STX17: variants seen among roughly 807,000 people sequenced by gnomAD.
STX17 encodes the protein syntaxin-17.
A neutral mutation model predicts 35.9 loss-of-function variants in STX17; 29 were observed. The observed-to-expected ratio is 0.81, with a 90% CI of 0.60 to 1.10. The LOEUF is 1.10. STX17 is among the 50% of genes least tolerant of loss of function. The pLI is 0.00. For missense variants in STX17, 312 were observed against 352.3 expected, an observed-to-expected ratio of 0.89 and a Z score of 0.92; for synonymous variants, 92 against 118.3, an observed-to-expected ratio of 0.78 and a Z score of 1.44.
chr9:99,920,530 A>G (rs1828866216), intron 2 of STX17, among the ~76,000 whole-genome samples: 1 of 152,198 alleles, frequency 6.6e-6, no homozygotes, highest in Non-Finnish European at 1.5e-5. Context: ...TGAGATAATA[A>G]ATACTTATTA....
intron 3 of STX17, among the ~76,000 whole-genome samples, chr9:99,943,541 TCAAATGATC>T (rs1039029099): frequency 6.6e-6 from 1 of 152,196 alleles, no homozygotes; most frequent in Non-Finnish European, 1.5e-5. Flanking sequence ...ACTCCTGACC[TCAAATGATC>T]TGCCCACCTT....
intron 6 of STX17, among the ~76,000 whole-genome samples, chr9:99,960,407 A>G (rs1481610851): frequency 6.6e-6 from 1 of 151,990 alleles, no homozygotes; most frequent in South Asian, 2.1e-4. Context: ...TATAGAAATA[A>G]ATGAAGCCCA....
intron 4 of STX17, among the ~76,000 whole-genome samples, chr9:99,952,519 C>G (rs967560423): frequency 6.6e-6 from 1 of 152,168 alleles, no homozygotes; most frequent in Non-Finnish European, 1.5e-5. Context: ...ACCCAGCCAT[C>G]CCATTACTGG....
At chr9:99,913,634 G>A (rs539760312) in intron 1 of STX17, among the ~76,000 whole-genome samples, 2 of 151,874 alleles carry the variant, frequency 1.3e-5, no homozygotes, top group East Asian at 1.9e-4. Context: ...CGTCCATTAG[G>A]TATGAATTTT....
At chr9:99,964,645 A>G (rs1829882370) in intron 6 of STX17, among the ~76,000 whole-genome samples, 1 of 152,114 alleles carries the variant, frequency 6.6e-6, no homozygotes, top group Non-Finnish European at 1.5e-5. Flanking sequence ...GGGGAGATTG[A>G]TAGATAGAGG....
At chr9:99,920,104 A>G (rs1476129579) in intron 2 of STX17, among the ~76,000 whole-genome samples, 2 of 152,172 alleles carry the variant, frequency 1.3e-5, no homozygotes, top group Non-Finnish European at 2.9e-5. Flanking sequence ...GTTTCAAGAT[A>G]GGCAAGCCTC....
chr9:99,948,754 G>A (rs1205141139), intron 3 of STX17, among the ~76,000 whole-genome samples: 1 of 151,976 alleles, frequency 6.6e-6, no homozygotes, highest in Non-Finnish European at 1.5e-5. Flanking sequence ...ACTTCAGTGG[G>A]TTTTTTCTTT....
chr9:99,915,833 C>T (rs1164113264), intron 2 of STX17, among the ~76,000 whole-genome samples: 1 of 152,178 alleles, frequency 6.6e-6, no homozygotes, highest in African/African-American at 2.4e-5. Context: ...GTTGGGATTA[C>T]AGGTGTGAGC....
chr9:99,926,899 A>T lies in STX17; in HGVS notation c.124-1879A>T, dbSNP rs1283415027. ...GCAATACTTTGGAGTATTCTACCTG[A>T]TACTCAGTGTATTCCAAGGTTTTTC... is the stretch of plus-strand genomic sequence containing the variant. On this transcript the variant is annotated intron_variant, in intron 2 of 7. Transcript: ENST00000259400. Among the ~76,000 whole-genome samples, 4 of 152,298 alleles carry T rather than the reference A, an allele frequency of 2.6e-5. No individual in the cohort carries two copies. In the East Asian group the frequency reaches 7.7e-4, roughly 29 times the overall value.
intron 3 of STX17, among the ~76,000 whole-genome samples, chr9:99,935,704 A>T (rs761863724): frequency 2.0e-5 from 3 of 152,234 alleles, no homozygotes; most frequent in Non-Finnish European, 2.9e-5. Flanking sequence ...GTTAAAGGCA[A>T]CAAAGAATCA....
chr9:99,945,388 G>GT (rs1308302470), intron 3 of STX17, among the ~76,000 whole-genome samples: 1 of 152,110 alleles, frequency 6.6e-6, no homozygotes. Flanking sequence ...TTTAAAGTCT[G>GT]TTTTTTCTAA....
chr9:99,915,586 CTTTTTTG>C (rs1421119770), intron 2 of STX17, among the ~76,000 whole-genome samples: 1 of 151,994 alleles, frequency 6.6e-6, no homozygotes, highest in East Asian at 1.9e-4. Flanking sequence ...AGAGTCTATG[CTTTTTTG>C]TTTGTTTGTT....
At chr9:99,930,026 C>CT (rs1829083768) in intron 3 of STX17, 1 of 148,972 alleles carries the variant, frequency 6.7e-6, no homozygotes, top group Non-Finnish European at 1.5e-5. Context: ...AATTCTCCTG[C>CT]CTCAGCCTCC....
chr9:99,967,546 G>A (rs768971514), intron 6 of STX17, 107 bp from the exon 7 acceptor site: 2 of 830,700 alleles, frequency 2.4e-6, no homozygotes, highest in Non-Finnish European at 1.9e-6. Context: ...TATTAAGATG[G>A]CAAGGCTGCA....
chr9:99,959,337 G>C (rs1273839094), intron 4 of STX17, among the ~76,000 whole-genome samples: 2 of 150,606 alleles, frequency 1.3e-5, no homozygotes, highest in Non-Finnish European at 2.9e-5. Context: ...GAGGCCGGGA[G>C]TTCAAGACCA....
intron 3 of STX17, among the ~76,000 whole-genome samples, chr9:99,941,104 G>T (rs1163454035): frequency 1.3e-5 from 2 of 152,146 alleles, no homozygotes; most frequent in African/African-American, 4.8e-5. Context: ...ACTTTTCTAG[G>T]GAAGAATTTT....
intron 6 of STX17, among the ~76,000 whole-genome samples, chr9:99,966,287 A>G (rs773679260): frequency 8.5e-5 from 13 of 152,260 alleles, no homozygotes; most frequent in African/African-American, 3.1e-4. Context: ...AGAGATGTCA[A>G]GATAGTGGTG....
intron 2 of STX17, chr9:99,915,921 T>A (rs1828759103): frequency 2.5e-6 from 1 of 399,542 alleles, no homozygotes; most frequent in Non-Finnish European, 4.9e-6. Context: ...AGATACAAAT[T>A]GATTGATGGT....
At chr9:99,944,207 G>C (rs2416942) in intron 3 of STX17, among the ~76,000 whole-genome samples, 104,589 of 151,742 alleles carry the variant, frequency 0.69, 36,297 homozygotes, top group African/African-American at 0.72. Context: ...AAAATTATTT[G>C]TCAATGAGGT....
Sources: gnomAD v4.1 joint callset for allele counts (sites outside exome capture counted in the v4.1 genomes callset) on GRCh38, gnomAD v4.1.1 for gene constraint, MANE v1.5 for transcripts, NCBI Gene and HGNC (gene_info 2026-07-23, HGNC 2026-07-21) for gene names.